The following PNP variants were observed in gnomAD, a reference collection of about 807,000 sequenced individuals.
PNP encodes purine nucleoside phosphorylase, also known as HEL-S-156an.
Under a neutral mutation model 26.8 loss-of-function variants are expected in PNP, and 18 were observed. That is an observed-to-expected ratio of 0.67 (90% CI 0.46 to 1.00). The LOEUF (loss-of-function observed/expected upper bound fraction) is 1.00, where lower values mean the gene tolerates loss of function less well. PNP is among the 50% of genes least tolerant of loss of function. PNP has a pLI of 0.00. For synonymous variants in PNP, 116 were observed against 124.8 expected (o/e 0.93, Z 0.47); for missense variants, 320 against 362.9 (o/e 0.88, Z 0.96).
At chr14:20,469,900 C>A (rs1033529216) in intron 1 of PNP, 2 of 448,090 alleles carry the variant, frequency 4.5e-6, no homozygotes, top group Non-Finnish European at 8.3e-6. Context: ...GAGGTCTCCT[C>A]ACCCCCTGCG....
At chr14:20,470,707 G>C (rs1233049737) in intron 1 of PNP, 1 of 152,350 alleles carries the variant, frequency 6.6e-6, no homozygotes, top group Non-Finnish European at 1.5e-5. Flanking sequence ...AAAGATCCTC[G>C]GTGGAGAGAA....
intron 1 of PNP, among the ~76,000 whole-genome samples, chr14:20,471,098 T>C (rs1881976076): frequency 6.6e-6 from 1 of 151,916 alleles, no homozygotes; most frequent in African/African-American, 2.4e-5. Flanking sequence ...TGGAGCGATC[T>C]TGGCTCACTG....
Position 20,476,484 on chromosome 14 carries a change from C to T in PNP, c.753C>T (p.Ser251=), listed in dbSNP as rs1594428423. 1 of 1,614,172 alleles carries T rather than the reference C, an allele frequency of 6.2e-7. No individual in the cohort carries two copies. Residue 251 remains serine, a synonymous_variant, in exon 6 of 6, where the codon AGC becomes AGT. Coordinates refer to ENST00000361505, the MANE Select transcript of PNP (RefSeq NM_000270.4). ...ACAAGGTCATCATGGATTATGAAAG[C>T]CTGGAGAAGGCCAACCATGAAGAAG... ...ITNKVIMDYE[S]LEKANHEEVL...
Position 20,476,826 on chromosome 14 carries a change from A to T in PNP, c.*225A>T. The T allele has an allele frequency of 1.7e-6, 1 of 571,732 alleles. No individual in the cohort carries two copies. Among genetic ancestry groups the T allele is most frequent in the Non-Finnish European group, 3.1e-6 (1 of 318,366 alleles). The allele number at this position is 571,732 out of a possible 1,614,324, so 35.4% of individuals were successfully genotyped here. On this transcript the variant is annotated 3_prime_UTR_variant, in exon 6 of 6. Transcript: ENST00000361505. ...AGCATAGTGAGACCTTGGCGCTACA[A>T]AATAAAGCTGTTCTCATTCCTGTTC...
chr14:20,476,547 A>C lies in PNP; in HGVS notation c.816A>C (p.Glu272Asp). The C allele has an allele frequency of 6.2e-7, 1 of 1,614,140 alleles. No homozygotes were observed. The highest frequency in any genetic ancestry group is 1.1e-5 in the South Asian group (1 of 91,070). ...AAGKQAAQKL[E>D]QFVSILMASI... Reference sequence around the variant, plus strand: ...GCAAACAAGCTGCACAGAAATTGGAACAGTTTGTCTCCATTCTTATGGCCA... The same window carrying C: ...GCAAACAAGCTGCACAGAAATTGGACCAGTTTGTCTCCATTCTTATGGCCA... The change falls in exon 6 of 6, where the codon GAA becomes GAC. Residue 272 changes from glutamate to aspartate, a missense_variant. Coordinates refer to ENST00000361505, the MANE Select transcript of PNP (RefSeq NM_000270.4).
intron 1 of PNP, 151 bp from the exon 2 acceptor site, chr14:20,472,157 T>C: frequency 1.4e-6 from 1 of 736,668 alleles, no homozygotes; most frequent in East Asian, 2.6e-5. Flanking sequence ...GCTGAGTAGA[T>C]GGAAGAGCAT....
intron 1 of PNP, among the ~76,000 whole-genome samples, chr14:20,471,197 A>ATTTTTTTTTTTT (rs397960222): frequency 5.5e-3 from 494 of 90,604 alleles, no homozygotes; most frequent in Non-Finnish European, 6.7e-3. Flanking sequence ...CGCCCGGCTA[A>ATTTTTTTTTTTT]TTTTTTTTTT....
chr14:20,475,385 T>C (rs773141854), intron 5 of PNP, 133 bp downstream of exon 5: 2 of 767,610 alleles, frequency 2.6e-6, no homozygotes, highest in Non-Finnish European at 4.1e-6. Flanking sequence ...TTAAACTGAC[T>C]TATTGAAATA....
At chr14:20,471,507 TG>T (rs1881987997) in intron 1 of PNP, among the ~76,000 whole-genome samples, 1 of 152,064 alleles carries the variant, frequency 6.6e-6, no homozygotes, top group Admixed American at 6.6e-5. Context: ...GCTGAGAATT[TG>T]TGTAGTCAGT....
intron 2 of PNP, 49 bp from the exon 3 acceptor site, chr14:20,474,423 T>C (rs773229357): frequency 2.6e-5 from 39 of 1,485,868 alleles, no homozygotes; most frequent in Non-Finnish European, 3.5e-5. Flanking sequence ...TGGATATGTG[T>C]TGCATGAAAA....
At position 20,471,197 on chromosome 14, in the gene PNP, A is replaced by ATTT. The variant is rs397960222; in HGVS notation, c.12-1088_12-1086dup. 5.6e-3 allele frequency among the ~76,000 whole-genome samples: 509 copies of ATTT among 90,628 alleles called. 5 individuals are homozygous for ATTT. The highest frequency in any genetic ancestry group is 6.4e-3 in the Non-Finnish European group (315 of 49,092). The allele number at this position is 90,628 out of a possible 152,430, so 59.5% of individuals were successfully genotyped here. A position where few individuals can be genotyped will look rare whatever the true frequency, so the allele number is the denominator to read the frequency against. On this transcript the variant is annotated intron_variant, in intron 1 of 5. Coordinates refer to ENST00000361505, the MANE Select transcript of PNP (RefSeq NM_000270.4). ...AGGGGCCCGCCACCACGCCCGGCTAATTTTTTTTTTTTTTTTTTTTTTTTT... is the reference window on the plus strand; with the variant it reads ...AGGGGCCCGCCACCACGCCCGGCTAATTTTTTTTTTTTTTTTTTTTTTTTTTTT...
At chr14:20,473,276 G>C (rs1357627315) in intron 2 of PNP, 1 of 152,226 alleles carries the variant, frequency 6.6e-6, no homozygotes, top group Non-Finnish European at 1.5e-5. Flanking sequence ...AAAAGAAATG[G>C]TAATAATGGC....
Position 20,469,537 on chromosome 14 carries a change from T to C in PNP, c.11+2T>C. ...CGTCTGCGAGACCATGGAGAACGGGTGAGGAGGGCACCAGGCCCGCAGGAC... is the reference window on the plus strand; with the variant it reads ...CGTCTGCGAGACCATGGAGAACGGGCGAGGAGGGCACCAGGCCCGCAGGAC... On this transcript the variant is annotated splice_donor_variant, in intron 1 of 5. Transcript: ENST00000361505. LOFTEE classifies it high-confidence loss of function. 6.5e-7 allele frequency: 1 copy of C among 1,549,328 alleles called. No individual in the cohort carries two copies. Among genetic ancestry groups the C allele is most frequent in the Non-Finnish European group, 8.7e-7 (1 of 1,147,956 alleles).
intron 2 of PNP, 124 bp from the exon 3 acceptor site, chr14:20,474,348 G>A (rs1882050569): frequency 7.5e-6 from 6 of 800,376 alleles, no homozygotes; most frequent in Non-Finnish European, 8.5e-6. Flanking sequence ...AGATAATAAT[G>A]AGTCTTTTAC....
chr14:20,469,447 T>A lies in PNP; in HGVS notation c.-78T>A. The A allele has an allele frequency of 6.5e-7, 1 of 1,536,496 alleles. No homozygotes were observed. The highest frequency in any genetic ancestry group is 8.8e-7 in the Non-Finnish European group (1 of 1,134,842). ...CCCGGCAGCCTTGCTCAGTTCAGCA[T>A]AGCGGAGCGGATCCGATCGGATCGG... On this transcript the variant is annotated 5_prime_UTR_variant, in exon 1 of 6. Transcript: ENST00000361505.
rs1489379058 is a variant in PNP, at chr14:20,472,413, T to G, written c.117T>G (p.Thr39=). ...IICGSGLGGL[T]DKLTQAQIFD... ...GTGGTTCTGGATTAGGAGGTCTGACTGATAAATTAACTCAGGCCCAGATCT... is the reference window on the plus strand; with the variant it reads ...GTGGTTCTGGATTAGGAGGTCTGACGGATAAATTAACTCAGGCCCAGATCT... The change falls in exon 2 of 6, where the codon ACT becomes ACG. Residue 39 remains threonine, a synonymous_variant. Coordinates refer to ENST00000361505, the MANE Select transcript of PNP (RefSeq NM_000270.4). 2.5e-6 allele frequency: 4 copies of G among 1,614,094 alleles called. No individual in the cohort carries two copies. In the South Asian group the frequency reaches 4.4e-5, roughly 18 times the overall value.
At chr14:20,469,717 G>A (rs557622118) in intron 1 of PNP, 182 bp downstream of exon 1, 9 of 813,234 alleles carry the variant, frequency 1.1e-5, no homozygotes, top group Non-Finnish European at 1.8e-5. Flanking sequence ...AGCCAGCGCG[G>A]GCAGGGACGC....
intron 1 of PNP, 119 bp from the exon 2 acceptor site, chr14:20,472,189 C>A: frequency 1.2e-6 from 1 of 838,158 alleles, no homozygotes; most frequent in Non-Finnish European, 2.1e-6. Context: ...TCCCTCTGTG[C>A]CAGCTTCTCC....
chr14:20,475,783 G>A (rs1268799077), intron 5 of PNP, among the ~76,000 whole-genome samples: 1 of 152,134 alleles, frequency 6.6e-6, no homozygotes, highest in African/African-American at 2.4e-5. Flanking sequence ...ACTGTGCCTG[G>A]CCAATGTGAT....
Sources: gnomAD v4.1 joint callset for allele counts (sites outside exome capture counted in the v4.1 genomes callset) on GRCh38, gnomAD v4.1.1 for gene constraint, MANE v1.5 for transcripts, NCBI Gene and HGNC (gene_info 2026-07-23, HGNC 2026-07-21) for gene names.